CATSPERG: variants seen among roughly 807,000 people sequenced by gnomAD.
CATSPERG encodes cation channel sperm-associated auxiliary subunit gamma.
CATSPERG carries 115 observed loss-of-function variants against 145.0 expected under a neutral mutation model. The ratio of observed to expected loss-of-function variants is 0.79; its 90% CI spans 0.68 to 0.93. The LOEUF (loss-of-function observed/expected upper bound fraction) is 0.93, where lower values mean the gene tolerates loss of function less well. CATSPERG is among the 40% of genes least tolerant of loss of function. The pLI is 0.00. For synonymous variants in CATSPERG, 588 were observed against 589.0 expected (o/e 1.00, Z 0.02); for missense variants, 1,296 against 1,490.1 (o/e 0.87, Z 2.14).
intron 21 of CATSPERG, 26 bp downstream of exon 21, chr19:38,364,997 G>C: frequency 6.2e-7 from 1 of 1,613,322 alleles, no homozygotes; most frequent in Non-Finnish European, 8.5e-7. Flanking sequence ...GGAGGGGAGG[G>C]TGCAGGATGG....
At chr19:38,340,416 G>T (rs976697023) in intron 3 of CATSPERG, among the ~76,000 whole-genome samples, 8 of 151,366 alleles carry the variant, frequency 5.3e-5, no homozygotes, top group Non-Finnish European at 8.8e-5. Flanking sequence ...CACATTCTGG[G>T]TTCAAGCGAT....
At chr19:38,336,139 T>C (rs922957855) in intron 1 of CATSPERG, 46 of 450,728 alleles carry the variant, frequency 1.0e-4, no homozygotes, top group Middle Eastern at 9.8e-4. Context: ...CAGGTGTTAA[T>C]GGCATGGGAA....
At chr19:38,358,664 C>T (rs985057854) in intron 13 of CATSPERG, 103 bp downstream of exon 13, 3 of 1,405,154 alleles carry the variant, frequency 2.1e-6, no homozygotes, top group African/African-American at 2.8e-5. Context: ...CTCACCAAGC[C>T]TTCAAAGGAT....
chr19:38,367,542 T>C lies in CATSPERG; in HGVS notation c.2804T>C (p.Val935Ala). The C allele has an allele frequency of 6.2e-7, 1 of 1,614,076 alleles. No homozygotes were observed. The highest frequency in any genetic ancestry group is 1.6e-4 in the Middle Eastern group (1 of 6,062). ...CCCTTCTTCTTGATTCAAGATTTGG[T>C]GACAGGAGACTCCGGCAGTTTCCAG... ...FYPFFLIQDLVTGDSGSFQGS... is the reference protein window; with the variant it reads ...FYPFFLIQDLATGDSGSFQGS... Residue 935 changes from valine (V) to alanine (A), a missense_variant, in exon 24 of 29, where the codon GTG (valine) becomes GCG (alanine). Val to Ala is a moderately conservative substitution (Grantham distance 64). Transcript: ENST00000409235.
At position 38,370,936 on chromosome 19, in the gene CATSPERG, T is replaced by C. The variant is rs1970536478; in HGVS notation, c.*144T>C. The C allele has an allele frequency of 1.2e-6, 1 of 857,206 alleles. No individual in the cohort carries two copies. Among genetic ancestry groups the C allele is most frequent in the African/African-American group, 1.7e-5 (1 of 59,268 alleles). The allele number at this position is 857,206 out of a possible 1,614,324, so 53.1% of individuals were successfully genotyped here. A position where few individuals can be genotyped will look rare whatever the true frequency, so the allele number is the denominator to read the frequency against. Reference sequence around the variant, plus strand: ...TCGTTCAGACTCAAATAAAGCCTTTTTTCAGGACCAGCAGTGGGCTCTCTT... The same window carrying C: ...TCGTTCAGACTCAAATAAAGCCTTTCTTCAGGACCAGCAGTGGGCTCTCTT... On this transcript the variant is annotated 3_prime_UTR_variant, in exon 29 of 29. Coordinates refer to ENST00000409235, the MANE Select transcript of CATSPERG (RefSeq NM_021185.5).
At chr19:38,357,813 A>C (rs1970272028) in intron 11 of CATSPERG, among the ~76,000 whole-genome samples, 1 of 152,206 alleles carries the variant, frequency 6.6e-6, no homozygotes, top group Non-Finnish European at 1.5e-5. Flanking sequence ...TTAGTCGGGC[A>C]TGATGGTGGG....
chr19:38,336,786 G>C (rs547350402), intron 1 of CATSPERG, among the ~76,000 whole-genome samples: 31 of 152,290 alleles, frequency 2.0e-4, no homozygotes, highest in Admixed American at 1.5e-3. Context: ...GGAATACAGG[G>C]AGGGGGCGGA....
rs1211846364 is a variant in CATSPERG, at chr19:38,361,849, C to A, written c.2082C>A (p.Ser694=). ...GLVYYLLWLH[S]VYDKPYADPV... ...TCTACTACCTGCTGTGGCTGCACTC[C>A]GTGTACGACAAGGTGGGCGTCCGGC... The change falls in exon 17 of 29, where the codon TCC becomes TCA. Residue 694 remains serine, a synonymous_variant. Transcript: ENST00000409235. 1 of 1,608,454 alleles carries A rather than the reference C, an allele frequency of 6.2e-7. No homozygotes were observed. The highest frequency in any genetic ancestry group is 8.5e-7 in the Non-Finnish European group (1 of 1,177,584).
chr19:38,363,257 C>G (rs915101900), intron 20 of CATSPERG, among the ~76,000 whole-genome samples: 4 of 152,056 alleles, frequency 2.6e-5, no homozygotes, highest in African/African-American at 9.7e-5. Context: ...CCAGGCTAGT[C>G]TTGAACTCCT....
At chr19:38,354,938 A>C in intron 9 of CATSPERG, 91 bp downstream of exon 9, 1 of 1,466,886 alleles carries the variant, frequency 6.8e-7, no homozygotes. Flanking sequence ...ACTCATTACC[A>C]TGTGCCCTGA....
chr19:38,341,520 T>G (rs1421669324), intron 3 of CATSPERG, among the ~76,000 whole-genome samples: 1 of 152,112 alleles, frequency 6.6e-6, no homozygotes, highest in Non-Finnish European at 1.5e-5. Context: ...TCCCAGCACT[T>G]TGGGAGGCCA....
Position 38,360,307 on chromosome 19 carries a change from C to T in CATSPERG, c.1609-182C>T, listed in dbSNP as rs1038610426. 19 of 985,116 alleles carry T rather than the reference C, an allele frequency of 1.9e-5. No individual in the cohort carries two copies. The African/African-American group carries it at 3.3e-4, about 17-fold the overall frequency. 61.0% of individuals were successfully genotyped at this position (985,116 alleles called of 1,614,324 possible). A position where few individuals can be genotyped will look rare whatever the true frequency, so the allele number is the denominator to read the frequency against. On this transcript the variant is annotated intron_variant, in intron 14 of 28. Coordinates refer to ENST00000409235, the MANE Select transcript of CATSPERG (RefSeq NM_021185.5). ...AGGGCTGGAACCAGAGGTGATTGGG[C>T]TCAGGGAAGTAGAGCCGTGGCACCA...
chr19:38,367,768 C>G lies in CATSPERG; in HGVS notation c.2922C>G (p.Pro974=), dbSNP rs367682530. 2 of 1,614,068 alleles carry G rather than the reference C, an allele frequency of 1.2e-6. No homozygotes were observed. Among genetic ancestry groups the G allele is most frequent in the South Asian group, 2.2e-5 (2 of 91,084 alleles). ...ACGAAATCTACCGCTTCAACAGCCC[C>G]CTGGACAAGTAATCCCCGTGGGGTC... ...SEDEIYRFNS[P]LDKTNSLIWT... is the part of the protein sequence containing the mutation. Residue 974 remains proline, a synonymous_variant, in exon 25 of 29, where the codon CCC becomes CCG. Transcript: ENST00000409235.
rs1414104464 is a variant in CATSPERG, at chr19:38,362,260, C to A, written c.2145C>A (p.Asn715Lys). 1 of 1,613,036 alleles carries A rather than the reference C, an allele frequency of 6.2e-7. No individual in the cohort carries two copies. Among genetic ancestry groups the A allele is most frequent in the Non-Finnish European group, 8.5e-7 (1 of 1,179,588 alleles). ...CCACCTGGCGCTGGTGGGCGAACAACAAACAAGACCAGGTAGGCGGAGCGG... is the reference window on the plus strand; with the variant it reads ...CCACCTGGCGCTGGTGGGCGAACAAAAAACAAGACCAGGTAGGCGGAGCGG... The part of the protein sequence containing the change: ...HDPTWRWWAN[N>K]KQDQDYYFFL... Residue 715 changes from asparagine to lysine, a missense_variant, in exon 18 of 29, where the codon AAC (asparagine) becomes AAA (lysine). Coordinates refer to ENST00000409235, the MANE Select transcript of CATSPERG (RefSeq NM_021185.5).
intron 20 of CATSPERG, among the ~76,000 whole-genome samples, 195 bp downstream of exon 20, chr19:38,363,027 A>G (rs1970381483): frequency 6.6e-6 from 1 of 151,460 alleles, no homozygotes; most frequent in Non-Finnish European, 1.5e-5. Flanking sequence ...CACGCACCAC[A>G]GTGCCCAGTG....
intron 11 of CATSPERG, 169 bp from the exon 12 acceptor site, chr19:38,358,109 C>T (rs1970278724): frequency 3.1e-6 from 2 of 641,602 alleles, no homozygotes; most frequent in Non-Finnish European, 5.5e-6. Context: ...CAGGGAGATC[C>T]TGTCTCAGGG....
rs559441364 is a variant in CATSPERG at position 38,343,824 on chromosome 19, C to T, written c.469+100C>T. On this transcript the variant is annotated intron_variant, in intron 4 of 28. Coordinates refer to ENST00000409235, the MANE Select transcript of CATSPERG (RefSeq NM_021185.5). ...TGATCTGAGGAGGGTATGTGGGGGGCGGGAGCTCAGCACATTCCATGGCCT... is the reference window on the plus strand; with the variant it reads ...TGATCTGAGGAGGGTATGTGGGGGGTGGGAGCTCAGCACATTCCATGGCCT... The T allele has an allele frequency of 1.7e-4, 237 of 1,428,100 alleles. No individual in the cohort carries two copies. The African/African-American group carries it at 2.1e-3, about 12-fold the overall frequency. 88.5% of individuals were successfully genotyped at this position (1,428,100 alleles called of 1,614,324 possible).
intron 7 of CATSPERG, 31 bp downstream of exon 7, chr19:38,346,636 G>A: frequency 6.5e-7 from 1 of 1,529,722 alleles, no homozygotes; most frequent in African/African-American, 1.4e-5. Context: ...GGTGGGCGGG[G>A]CGTCTTGGAG....
intron 28 of CATSPERG, 120 bp downstream of exon 28, chr19:38,370,378 A>T: frequency 7.2e-7 from 1 of 1,392,804 alleles, no homozygotes; most frequent in East Asian, 2.3e-5. Context: ...TGCTGACTGA[A>T]CGCCTGCCAT....
Sources: gnomAD v4.1 joint callset for allele counts (sites outside exome capture counted in the v4.1 genomes callset) on GRCh38, gnomAD v4.1.1 for gene constraint, MANE v1.5 for transcripts, NCBI Gene and HGNC (gene_info 2026-07-23, HGNC 2026-07-21) for gene names.